Variants in SLC60A2 observed in about 807,000 individuals in gnomAD.
SLC60A2 encodes the protein major facilitator superfamily domain containing 4B.
the SLC60A2 span, among the ~76,000 whole-genome samples, chr6:111,271,775 T>TAAAAA: frequency 6.8e-3 from 128 of 18,846 alleles, 25 homozygotes; most frequent in Middle Eastern, 0.083. Flanking sequence ...CCATCTCTAC[T>TAAAAA]AAAAAAAAAA....
At chr6:111,266,623 C>A in the SLC60A2 span, 22 of 1,613,896 alleles carry the variant, frequency 1.4e-5, no homozygotes, top group South Asian at 2.4e-4. Flanking sequence ...CATGGGAAAT[C>A]TGCAGCATTT....
chr6:111,272,780 G>A, the SLC60A2 span, among the ~76,000 whole-genome samples: 1 of 149,960 alleles, frequency 6.7e-6, no homozygotes, highest in Non-Finnish European at 1.5e-5. Flanking sequence ...TCAAAGTTCT[G>A]GGATTACAGG....
At chr6:111,271,680 G>T in the SLC60A2 span, among the ~76,000 whole-genome samples, 1 of 139,752 alleles carries the variant, frequency 7.2e-6, no homozygotes, top group Non-Finnish European at 1.5e-5. Context: ...GCTCACACCT[G>T]TAATCACAGC....
the SLC60A2 span, chr6:111,265,538 T>A: frequency 5.5e-6 from 1 of 181,688 alleles, no homozygotes; most frequent in Non-Finnish European, 1.1e-5. Flanking sequence ...AATATATATT[T>A]AAAATATTAA....
chr6:111,276,807 C>T, the SLC60A2 span, among the ~76,000 whole-genome samples: 1 of 152,196 alleles, frequency 6.6e-6, no homozygotes, highest in African/African-American at 2.4e-5. Context: ...CAGTTCTGCC[C>T]CTCCTTGGGA....
the SLC60A2 span, among the ~76,000 whole-genome samples, chr6:111,260,929 C>A: frequency 2.0e-5 from 3 of 152,152 alleles, no homozygotes; most frequent in South Asian, 2.1e-4. Flanking sequence ...TGGACTGTTA[C>A]GAGTTGGGCA....
chr6:111,271,775 T>TAAAAAAAAA, the SLC60A2 span, among the ~76,000 whole-genome samples: 357 of 18,840 alleles, frequency 0.019, 60 homozygotes, highest in East Asian at 0.077. Context: ...CCATCTCTAC[T>TAAAAAAAAA]AAAAAAAAAA....
At chr6:111,262,229 TA>T in the SLC60A2 span, 1 of 1,590,620 alleles carries the variant, frequency 6.3e-7, no homozygotes, top group Non-Finnish European at 8.6e-7. Flanking sequence ...TGATTATAAG[TA>T]AAAACTTTTG....
the SLC60A2 span, among the ~76,000 whole-genome samples, chr6:111,264,325 G>T: frequency 6.6e-6 from 1 of 152,144 alleles, no homozygotes; most frequent in Non-Finnish European, 1.5e-5. Flanking sequence ...GTTTGGAACT[G>T]TTATTTGGCT....
At chr6:111,276,714 C>CA in the SLC60A2 span, among the ~76,000 whole-genome samples, 1 of 151,816 alleles carries the variant, frequency 6.6e-6, no homozygotes, top group Non-Finnish European at 1.5e-5. Context: ...CATTCGTTTA[C>CA]AGAGATCCCT....
At chr6:111,260,299 CA>C in the SLC60A2 span, among the ~76,000 whole-genome samples, 1 of 152,210 alleles carries the variant, frequency 6.6e-6, no homozygotes, top group South Asian at 2.1e-4. Context: ...CGCACCCACC[CA>C]CTCAACCCCC....
At chr6:111,271,097 C>T in the SLC60A2 span, 8 of 134,708 alleles carry the variant, frequency 5.9e-5, no homozygotes, top group South Asian at 2.5e-4. Flanking sequence ...CAGTTGAGGC[C>T]GGGTGCGGTG....
chr6:111,272,827 A>G, the SLC60A2 span, among the ~76,000 whole-genome samples: 18 of 151,342 alleles, frequency 1.2e-4, no homozygotes, highest in East Asian at 3.5e-3. Flanking sequence ...CTAACTGTAT[A>G]TATATATGTG....
the SLC60A2 span, among the ~76,000 whole-genome samples, chr6:111,260,466 T>C: frequency 6.6e-6 from 1 of 152,328 alleles, no homozygotes; most frequent in African/African-American, 2.4e-5. Flanking sequence ...GCCAGAAATA[T>C]GTCTTTTACT....
the SLC60A2 span, chr6:111,259,753 C>A: frequency 6.4e-7 from 1 of 1,561,136 alleles, no homozygotes. Flanking sequence ...GCAACACTCC[C>A]AGGCCGGGGC....
the SLC60A2 span, chr6:111,262,162 C>T: frequency 1.3e-4 from 129 of 984,420 alleles, no homozygotes; most frequent in East Asian, 1.3e-4. Flanking sequence ...CCAGACCCTC[C>T]GCCCCCCTTT....
At chr6:111,267,017 A>T in the SLC60A2 span, 1 of 1,614,200 alleles carries the variant, frequency 6.2e-7, no homozygotes, top group Non-Finnish European at 8.5e-7. Flanking sequence ...TCTATAATCA[A>T]TACCCATCAA....
At chr6:111,266,768 T>C in the SLC60A2 span, 1 of 1,614,160 alleles carries the variant, frequency 6.2e-7, no homozygotes, top group Non-Finnish European at 8.5e-7. Context: ...TTTTATTTCC[T>C]GTGCTATATA....
At chr6:111,266,369 G>T in the SLC60A2 span, 1 of 1,614,152 alleles carries the variant, frequency 6.2e-7, no homozygotes, top group Admixed American at 1.7e-5. Flanking sequence ...AAGCTGCTGG[G>T]TTGAACTCCA....
Sources: gnomAD v4.1 joint callset for allele counts (sites outside exome capture counted in the v4.1 genomes callset) on GRCh38, gnomAD v4.1.1 for gene constraint, MANE v1.5 for transcripts, NCBI Gene and HGNC (gene_info 2026-07-23, HGNC 2026-07-21) for gene names.